The following RUFY1 variants were observed in gnomAD, a reference collection of about 807,000 sequenced individuals.
The protein encoded by RUFY1 is RUN and FYVE domain containing 1, also known as RUN and FYVE domain-containing protein 1.
RUFY1 carries 54 observed loss-of-function variants against 94.6 expected under a neutral mutation model. The ratio of observed to expected loss-of-function variants is 0.57; its 90% CI spans 0.46 to 0.72. The LOEUF is 0.72. Ranked by LOEUF, RUFY1 falls within the 30% of genes least tolerant of loss-of-function variation. The pLI, the probability that RUFY1 is intolerant of heterozygous loss-of-function variation, is 0.00. For missense variants in RUFY1, 883 were observed against 883.9 expected, an observed-to-expected ratio of 1.00 and a Z score of 0.01; for synonymous variants, 396 against 347.3, an observed-to-expected ratio of 1.14 and a Z score of -1.56.
At chr5:179,605,843 A>T (rs925576937) in intron 15 of RUFY1, 33 bp from the exon 16 acceptor site, 1 of 1,466,050 alleles carries the variant, frequency 6.8e-7, no homozygotes, top group South Asian at 1.1e-5. Flanking sequence ...ACTCTCTCTC[A>T]CTGCTATGAA....
chr5:179,593,311 C>T (rs879907507), intron 10 of RUFY1, among the ~76,000 whole-genome samples, 167 bp from the exon 11 acceptor site: 1 of 151,948 alleles, frequency 6.6e-6, no homozygotes, highest in Admixed American at 6.6e-5. Flanking sequence ...CTCCTGGCCT[C>T]AAGTGATCCG....
intron 1 of RUFY1, among the ~76,000 whole-genome samples, chr5:179,557,851 T>C (rs2127506098): frequency 6.6e-6 from 1 of 152,268 alleles, no homozygotes; most frequent in South Asian, 2.1e-4. Context: ...CTGGTCTTCA[T>C]GTTTTTGATT....
At chr5:179,567,721 G>A (rs747026322) in intron 4 of RUFY1, among the ~76,000 whole-genome samples, 159 bp downstream of exon 4, 12 of 151,750 alleles carry the variant, frequency 7.9e-5, no homozygotes, top group Non-Finnish European at 1.5e-4. Context: ...CCAACATGGT[G>A]TCGTATTTTT....
intron 11 of RUFY1, among the ~76,000 whole-genome samples, chr5:179,594,059 C>G (rs1315784764): frequency 1.3e-5 from 2 of 152,154 alleles, no homozygotes; most frequent in Non-Finnish European, 2.9e-5. Flanking sequence ...AATCCCAGCA[C>G]TTTGGGAGGC....
intron 12 of RUFY1, 164 bp from the exon 13 acceptor site, chr5:179,596,398 C>A: frequency 1.1e-6 from 1 of 875,464 alleles, no homozygotes; most frequent in Non-Finnish European, 1.9e-6. Flanking sequence ...AGTGGTGGGA[C>A]CGTCCTGTAT....
intron 14 of RUFY1, among the ~76,000 whole-genome samples, chr5:179,599,898 A>G (rs530936717): frequency 4.9e-4 from 75 of 152,342 alleles, no homozygotes; most frequent in African/African-American, 1.5e-3. Flanking sequence ...TAATGGACAC[A>G]CTGCACGATT....
At chr5:179,603,251 G>C (rs1048910070) in intron 15 of RUFY1, among the ~76,000 whole-genome samples, 16 of 129,632 alleles carry the variant, frequency 1.2e-4, no homozygotes, top group African/African-American at 4.7e-4. Context: ...GGCAACAAAA[G>C]TGAGAATCCA....
intron 1 of RUFY1, chr5:179,555,913 C>G (rs1762096065): frequency 4.8e-6 from 1 of 209,374 alleles, no homozygotes; most frequent in Admixed American, 5.6e-5. Flanking sequence ...CTCCTGACCT[C>G]AAGTGACCTG....
chr5:179,605,381 C>G (rs1766958030), intron 15 of RUFY1, among the ~76,000 whole-genome samples: 1 of 152,008 alleles, frequency 6.6e-6, no homozygotes, highest in African/African-American at 2.4e-5. Flanking sequence ...AGTCCTGTCT[C>G]TTGTGTAAAC....
At chr5:179,559,556 G>A in intron 1 of RUFY1, 1 of 581,222 alleles carries the variant, frequency 1.7e-6, no homozygotes, top group Non-Finnish European at 2.2e-6. Context: ...GGTGCAAAAT[G>A]GCGCCCACCA....
chr5:179,580,206 CGT>C (rs71591429), intron 6 of RUFY1, among the ~76,000 whole-genome samples: 2,347 of 127,560 alleles, frequency 0.018, 40 homozygotes, highest in Non-Finnish European at 0.025. Context: ...CAAAAAATTC[CGT>C]GTGTGTGTGT....
intron 2 of RUFY1, among the ~76,000 whole-genome samples, chr5:179,560,725 C>CA (rs68093858): frequency 0.03 from 2,364 of 78,332 alleles, 63 homozygotes; most frequent in African/African-American, 0.076. Context: ...GACTCCGTCT[C>CA]AAAAAAAAAA....
intron 1 of RUFY1, among the ~76,000 whole-genome samples, chr5:179,555,450 C>T (rs1762063040): frequency 1.3e-5 from 2 of 152,026 alleles, no homozygotes; most frequent in South Asian, 4.1e-4. Flanking sequence ...TTTAATTTTC[C>T]ATGCCTCTAA....
At chr5:179,585,104 C>T (rs919668879) in intron 7 of RUFY1, among the ~76,000 whole-genome samples, 2 of 152,202 alleles carry the variant, frequency 1.3e-5, no homozygotes, top group African/African-American at 4.8e-5. Flanking sequence ...GCACTCCAGA[C>T]TAGGCGAAAG....
At chr5:179,564,684 A>AG (rs1762700076) in intron 3 of RUFY1, among the ~76,000 whole-genome samples, 1 of 149,868 alleles carries the variant, frequency 6.7e-6, no homozygotes, top group African/African-American at 2.5e-5. Context: ...AAAAAAAAAA[A>AG]GAAAAAAAAA....
intron 2 of RUFY1, among the ~76,000 whole-genome samples, chr5:179,561,948 T>C (rs1208755407): frequency 3.3e-5 from 5 of 150,126 alleles, no homozygotes; most frequent in Non-Finnish European, 7.4e-5. Context: ...CCTCCCAAAG[T>C]GCTGGGATTA....
intron 5 of RUFY1, 135 bp from the exon 6 acceptor site, chr5:179,576,940 C>T: frequency 3.3e-6 from 2 of 602,364 alleles, no homozygotes; most frequent in East Asian, 2.8e-5. Context: ...AATTGATTTC[C>T]ACTTCATAGA....
chr5:179,562,282 C>G (rs1177758558), intron 2 of RUFY1, among the ~76,000 whole-genome samples: 1 of 152,040 alleles, frequency 6.6e-6, no homozygotes, highest in Non-Finnish European at 1.5e-5. Context: ...GTTGTGGGCA[C>G]CTGTAACCCC....
chr5:179,593,507 T>C lies in RUFY1; in HGVS notation c.1275T>C (p.Ile425=). The C allele has an allele frequency of 6.2e-6, 10 of 1,607,260 alleles. No homozygotes were observed. The highest frequency in any genetic ancestry group is 8.5e-6 in the Non-Finnish European group (10 of 1,173,732). Residue 425 remains isoleucine, a synonymous_variant, in exon 11 of 18, where the codon ATT becomes ATC. Coordinates refer to ENST00000319449, the MANE Select transcript of RUFY1 (RefSeq NM_025158.5). ...LELEKELELQ[I]GMKTEMEIAM... is the part of the protein sequence containing the mutation. ...TGGAAAAAGAACTGGAGTTACAAATTGGAATGAAAACCGAAATGGAAATTG... is the reference window on the plus strand; with the variant it reads ...TGGAAAAAGAACTGGAGTTACAAATCGGAATGAAAACCGAAATGGAAATTG...
Sources: gnomAD v4.1 joint callset for allele counts (sites outside exome capture counted in the v4.1 genomes callset) on GRCh38, gnomAD v4.1.1 for gene constraint, MANE v1.5 for transcripts, NCBI Gene and HGNC (gene_info 2026-07-23, HGNC 2026-07-21) for gene names.